PODXL2: variants seen among roughly 807,000 people sequenced by gnomAD.
The protein encoded by PODXL2 is podocalyxin-like protein 2.
PODXL2 carries 17 observed loss-of-function variants against 53.4 expected under a neutral mutation model. That is an observed-to-expected ratio of 0.32 (90% CI 0.22 to 0.48). PODXL2 has a LOEUF of 0.48. PODXL2 is among the 20% of genes least tolerant of loss of function. The pLI, the probability that PODXL2 is intolerant of heterozygous loss-of-function variation, is 0.99. For missense variants in PODXL2, 673 were observed against 760.0 expected (o/e 0.89, Z 1.35); for synonymous variants, 311 against 306.7 (o/e 1.01, Z -0.15).
intron 6 of PODXL2, 82 bp from the exon 7 acceptor site, chr3:127,671,352 A>C (rs1576437436): frequency 4.0e-6 from 5 of 1,239,244 alleles, no homozygotes; most frequent in South Asian, 2.6e-5. Flanking sequence ...CCCCATCCCC[A>C]CCCGAGCCCA....
intron 1 of PODXL2, among the ~76,000 whole-genome samples, chr3:127,633,719 G>A (rs1042651612): frequency 1.3e-5 from 2 of 152,070 alleles, no homozygotes; most frequent in African/African-American, 2.4e-5. Flanking sequence ...TACAATGGAG[G>A]CTGTATGAAG....
intron 2 of PODXL2, among the ~76,000 whole-genome samples, chr3:127,649,021 A>G (rs2074673249): frequency 6.6e-6 from 1 of 150,992 alleles, no homozygotes; most frequent in South Asian, 2.1e-4. Context: ...TGAACTCCAA[A>G]CCTCAGGAGA....
At chr3:127,666,131 G>T (rs1346881290) in intron 4 of PODXL2, among the ~76,000 whole-genome samples, 1 of 152,194 alleles carries the variant, frequency 6.6e-6, no homozygotes, top group African/African-American at 2.4e-5. Flanking sequence ...ACCACTGGAT[G>T]ATGTCCTCCT....
rs1272130433 is a variant in PODXL2 at position 127,660,342 on chromosome 3, G to T, written c.350-36G>T. The T allele has an allele frequency of 1.9e-6, 3 of 1,594,138 alleles. No individual in the cohort carries two copies. The South Asian group carries it at 3.4e-5, about 18-fold the overall frequency. On this transcript the variant is annotated intron_variant, in intron 2 of 7. Transcript: ENST00000342480. ...AATACTGAGTAAAGCAATGAATGAT[G>T]AAACAAGTGAATGAACTTTTCATCT...
chr3:127,672,415 G>A lies in PODXL2; in HGVS notation c.1753G>A (p.Ala585Thr), dbSNP rs2074855914. ...CCTCAACGGCCCGGGGAGCTGGGGGGCGCTCATGGGGGGCAAGCGGGACCC... is the reference window on the plus strand; with the variant it reads ...CCTCAACGGCCCGGGGAGCTGGGGGACGCTCATGGGGGGCAAGCGGGACCC... ...GALNGPGSWG[A>T]LMGGKRDPED... The change falls in exon 8 of 8, where the codon GCG becomes ACG. Residue 585 changes from alanine (A) to threonine (T), a missense_variant. Around this residue, in one of 3 missense-constraint regions of PODXL2, gnomAD observed 79 missense variants for 70.5 expected, o/e 1.12. Transcript: ENST00000342480. 6.5e-7 allele frequency: 1 copy of A among 1,542,390 alleles called. No individual in the cohort carries two copies. Among genetic ancestry groups the A allele is most frequent in the African/African-American group, 1.4e-5 (1 of 72,942 alleles).
In PODXL2 at chr3:127,671,997, G is replaced by A. The variant is rs146259218; in HGVS notation, c.1606-271G>A. 5.3e-3 allele frequency among the ~76,000 whole-genome samples: 805 copies of A among 152,352 alleles called. 5 individuals carry two copies. Among genetic ancestry groups the A allele is most frequent in the Middle Eastern group, 0.041 (12 of 294 alleles). ...CCAGGAGGAAGCGAGCAGAGCCCTA[G>A]CGATGCTCCCTGCCCACCTCGCAAG... On this transcript the variant is annotated intron_variant, in intron 7 of 7. Coordinates refer to ENST00000342480, the MANE Select transcript of PODXL2 (RefSeq NM_015720.4).
chr3:127,646,352 T>C (rs1246498246), intron 2 of PODXL2, among the ~76,000 whole-genome samples: 1 of 152,106 alleles, frequency 6.6e-6, no homozygotes, highest in Non-Finnish European at 1.5e-5. Context: ...ACTAATGTCA[T>C]ATTCTATGTG....
intron 4 of PODXL2, among the ~76,000 whole-genome samples, chr3:127,662,686 A>G (rs540943586): frequency 6.6e-6 from 1 of 150,424 alleles, no homozygotes; most frequent in Non-Finnish European, 1.5e-5. Flanking sequence ...CTCTCCACAC[A>G]TGTCTGGTGG....
chr3:127,634,602 T>G (rs924933573), intron 1 of PODXL2, among the ~76,000 whole-genome samples: 2 of 151,176 alleles, frequency 1.3e-5, no homozygotes, highest in Non-Finnish European at 2.9e-5. Context: ...GGCAGGTGCC[T>G]GTAATCCCAG....
At chr3:127,640,856 T>G (rs1385897034) in intron 2 of PODXL2, among the ~76,000 whole-genome samples, 1 of 152,168 alleles carries the variant, frequency 6.6e-6, no homozygotes, top group East Asian at 1.9e-4. Flanking sequence ...AAATATTTCA[T>G]AAGTATATTT....
intron 1 of PODXL2, among the ~76,000 whole-genome samples, chr3:127,632,084 C>A (rs1190772416): frequency 6.6e-6 from 1 of 152,150 alleles, no homozygotes; most frequent in Non-Finnish European, 1.5e-5. Context: ...AGGGAAGGGG[C>A]CTAGCAAACA....
chr3:127,660,370 G>A lies in PODXL2; in HGVS notation c.350-8G>A, dbSNP rs1398062267. On this transcript the variant is annotated splice_polypyrimidine_tract_variant and splice_region_variant and intron_variant, in intron 2 of 7. Transcript: ENST00000342480. ...ACAAGTGAATGAACTTTTCATCTCT[G>A]TCCTTAGATTATGTTTTTCCTGACT... The A allele has an allele frequency of 6.2e-7, 1 of 1,606,368 alleles. No individual in the cohort carries two copies. Among genetic ancestry groups the A allele is most frequent in the Non-Finnish European group, 8.5e-7 (1 of 1,174,178 alleles).
intron 2 of PODXL2, among the ~76,000 whole-genome samples, chr3:127,655,464 C>T (rs2074718650): frequency 6.6e-6 from 1 of 152,068 alleles, no homozygotes; most frequent in East Asian, 1.9e-4. Context: ...GTGGAGGACC[C>T]CCCACAGTTA....
chr3:127,635,349 T>A (rs1341592740), intron 1 of PODXL2, among the ~76,000 whole-genome samples: 1 of 152,200 alleles, frequency 6.6e-6, no homozygotes, highest in Non-Finnish European at 1.5e-5. Flanking sequence ...AACTGACCCT[T>A]TTGGGGCAGG....
Position 127,666,255 on chromosome 3 carries a change from C to T in PODXL2, c.1207-2186C>T, listed in dbSNP as rs570658623. On this transcript the variant is annotated intron_variant, in intron 4 of 7. Coordinates refer to ENST00000342480, the MANE Select transcript of PODXL2 (RefSeq NM_015720.4). ...GTTTTCCATGGGATATCCAGTTGTC[C>T]CAGCACCTGTGATTGAATAAGTACT... Among the ~76,000 whole-genome samples, 9 of 152,130 alleles carry T rather than the reference C, an allele frequency of 5.9e-5. No homozygotes were observed. The South Asian group carries it at 1.7e-3, about 28-fold the overall frequency.
At chr3:127,665,456 A>G (rs2074790929) in intron 4 of PODXL2, among the ~76,000 whole-genome samples, 2 of 152,194 alleles carry the variant, frequency 1.3e-5, no homozygotes, top group Admixed American at 6.6e-5. Context: ...AGTGGCTTCT[A>G]TTTTACCTAG....
At chr3:127,668,645 G>C (rs72967673) in intron 5 of PODXL2, 48 bp downstream of exon 5, 1 of 1,445,928 alleles carries the variant, frequency 6.9e-7, no homozygotes, top group African/African-American at 1.4e-5. Context: ...AGTGGGAGGC[G>C]GGCGGCCCCT....
chr3:127,664,117 C>G (rs1236500931), intron 4 of PODXL2, among the ~76,000 whole-genome samples: 1 of 152,134 alleles, frequency 6.6e-6, no homozygotes, highest in African/African-American at 2.4e-5. Flanking sequence ...AAAGCTGAAA[C>G]TCTGTACCCA....
At chr3:127,653,735 A>G (rs1365049152) in intron 2 of PODXL2, among the ~76,000 whole-genome samples, 1 of 152,172 alleles carries the variant, frequency 6.6e-6, no homozygotes, top group Non-Finnish European at 1.5e-5. Flanking sequence ...TTCAATTTAC[A>G]GAAAAGTTGC....
Sources: allele counts gnomAD v4.1 joint callset (sites outside exome capture counted in the v4.1 genomes callset), GRCh38; gene constraint gnomAD v4.1.1; regional missense constraint gnomAD v4.1.1; transcripts MANE v1.5; gene names NCBI Gene and HGNC (gene_info 2026-07-23, HGNC 2026-07-21).